Variants in RNF8 observed in about 807,000 individuals in gnomAD.
RNF8 encodes ring finger protein 8.
In RNF8, 8 loss-of-function variants were observed where a neutral mutation model predicts 59.3. The observed-to-expected ratio is 0.13, with a 90% CI of 0.08 to 0.24. RNF8 has a LOEUF of 0.24. RNF8 is among the 10% of genes least tolerant of loss of function. The probability of loss-of-function intolerance (pLI) is 1.00; values close to 1 mark genes in which losing one functional copy is unlikely to be tolerated. For missense variants in RNF8, 406 were observed against 572.6 expected (o/e 0.71, Z 2.97); for synonymous variants, 162 against 200.0 (o/e 0.81, Z 1.60).
At position 37,372,923 on chromosome 6, in the gene RNF8, C is replaced by T. The variant is rs369769307; in HGVS notation, c.1038+1349C>T. Among the ~76,000 whole-genome samples the T allele has an allele frequency of 1.2e-4, 19 of 152,218 alleles. 1 individual carries two copies. Among genetic ancestry groups the T allele is most frequent in the East Asian group, 1.9e-4 (1 of 5,182 alleles). On this transcript the variant is annotated intron_variant, in intron 4 of 7. Transcript: ENST00000373479. ...TGTGGAGGTTGTAGTGAGCTGAGAT[C>T]GTGCCATTGCTCTCCAGCCTGGGCA...
intron 5 of RNF8, 74 bp from the exon 6 acceptor site, chr6:37,376,852 T>C: frequency 1.1e-6 from 1 of 874,612 alleles, no homozygotes; most frequent in Non-Finnish European, 2.0e-6. Flanking sequence ...TTCTAAATAA[T>C]TGACCCTGCT....
chr6:37,359,432 T>C (rs762844066), intron 1 of RNF8: 9 of 215,742 alleles, frequency 4.2e-5, no homozygotes, highest in Non-Finnish European at 7.6e-5. Context: ...TGAACGAAGG[T>C]ATAGAAGGCA....
chr6:37,366,090 T>C (rs1769539229), intron 2 of RNF8, among the ~76,000 whole-genome samples: 1 of 152,214 alleles, frequency 6.6e-6, no homozygotes, highest in East Asian at 1.9e-4. Context: ...CTGCAACATA[T>C]CGTGAAAGTT....
At chr6:37,358,351 G>T (rs995204033) in intron 1 of RNF8, among the ~76,000 whole-genome samples, 21 of 152,204 alleles carry the variant, frequency 1.4e-4, no homozygotes, top group African/African-American at 4.1e-4. Context: ...AAAATGACCT[G>T]ATTTAAAATT....
chr6:37,389,858 CCAAGGCCCA>C (rs572771958), intron 7 of RNF8, among the ~76,000 whole-genome samples: 116 of 152,274 alleles, frequency 7.6e-4, no homozygotes, highest in African/African-American at 2.0e-3. Context: ...ATGCCCAGCC[CCAAGGCCCA>C]CCACCTCAAA....
At chr6:37,386,295 G>A (rs1030798029) in intron 7 of RNF8, among the ~76,000 whole-genome samples, 1 of 152,012 alleles carries the variant, frequency 6.6e-6, no homozygotes, top group African/African-American at 2.4e-5. Flanking sequence ...CTAGAACCTT[G>A]AATTCTTTAT....
chr6:37,365,908 C>A (rs79804348), intron 2 of RNF8, among the ~76,000 whole-genome samples: 4 of 152,240 alleles, frequency 2.6e-5, no homozygotes, highest in East Asian at 3.9e-4. Flanking sequence ...TATGAACAGA[C>A]CTGACTCAGG....
At chr6:37,366,798 A>G (rs1043667825) in intron 2 of RNF8, among the ~76,000 whole-genome samples, 2 of 152,194 alleles carry the variant, frequency 1.3e-5, no homozygotes, top group Non-Finnish European at 2.9e-5. Flanking sequence ...TCTCTGGCCT[A>G]TCCCCTGAAC....
Position 37,378,600 on chromosome 6 carries a change from CAAAAAAAAA to C in RNF8, c.1236+1582_1236+1590del, listed in dbSNP as rs554259061. Among the ~76,000 whole-genome samples the C allele has an allele frequency of 8.8e-5, 5 of 56,548 alleles. No individual in the cohort carries two copies. In the South Asian group the frequency reaches 2.0e-3, roughly 23 times the overall value. The allele number at this position is 56,548 out of a possible 152,430, so 37.1% of individuals were successfully genotyped here. A position where few individuals can be genotyped will look rare whatever the true frequency, so the allele number is the denominator to read the frequency against. ...TGGGTGACAGAGCGAGACTCCGTCT[CAAAAAAAAA>C]AAAAAAAAAAAAAAGAAAAACATAT... On this transcript the variant is annotated intron_variant, in intron 6 of 7. Coordinates refer to ENST00000373479, the MANE Select transcript of RNF8 (RefSeq NM_003958.4).
chr6:37,357,452 C>A (rs1348924151), intron 1 of RNF8, among the ~76,000 whole-genome samples: 3 of 152,194 alleles, frequency 2.0e-5, no homozygotes, highest in Non-Finnish European at 4.4e-5. Context: ...TGGCTACTCA[C>A]AATGGCAGTC....
chr6:37,390,981 C>T lies in RNF8; in HGVS notation c.*223C>T, dbSNP rs1163479824. 1 of 651,874 alleles carries T rather than the reference C, an allele frequency of 1.5e-6. No individual in the cohort carries two copies. Among genetic ancestry groups the T allele is most frequent in the Non-Finnish European group, 2.7e-6 (1 of 365,386 alleles). The allele number at this position is 651,874 out of a possible 1,614,324, so 40.4% of individuals were successfully genotyped here. The stretch of plus-strand genomic sequence containing the variant: ...CACCAGGATTCACGGCACCCAACTG[C>T]TTCAGGGTACTTCGTAGACTCTGCC... On this transcript the variant is annotated 3_prime_UTR_variant, in exon 8 of 8. Coordinates refer to ENST00000373479, the MANE Select transcript of RNF8 (RefSeq NM_003958.4).
intron 4 of RNF8, among the ~76,000 whole-genome samples, chr6:37,372,718 C>T (rs1055305955): frequency 6.6e-6 from 1 of 152,144 alleles, no homozygotes; most frequent in African/African-American, 2.4e-5. Context: ...GCCTGTAATC[C>T]CGGCACTTTG....
intron 1 of RNF8, among the ~76,000 whole-genome samples, chr6:37,359,904 C>A (rs559166151): frequency 6.6e-6 from 1 of 152,308 alleles, no homozygotes; most frequent in South Asian, 2.1e-4. Flanking sequence ...CAAGCCCATC[C>A]CCTGGGAGTT....
intron 4 of RNF8, among the ~76,000 whole-genome samples, chr6:37,373,803 T>G (rs370582730): frequency 5.8e-4 from 89 of 152,244 alleles, no homozygotes; most frequent in African/African-American, 2.1e-3. Context: ...ATAACTGCTT[T>G]TTTTTGTCAG....
rs142808175 is a variant in RNF8 at position 37,385,099 on chromosome 6, C to T, written c.1441+3745C>T. 2.6e-3 allele frequency among the ~76,000 whole-genome samples: 398 copies of T among 151,912 alleles called. 2 individuals are homozygous for T. The highest frequency in any genetic ancestry group is 9.0e-3 in the African/African-American group (373 of 41,456). ...CGCGATCTCGGCTTACCACAACCTCCGCCTCCCGGGTTCAAGCAATTCTTC... is the reference window on the plus strand; with the variant it reads ...CGCGATCTCGGCTTACCACAACCTCTGCCTCCCGGGTTCAAGCAATTCTTC... On this transcript the variant is annotated intron_variant, in intron 7 of 7. Transcript: ENST00000373479.
chr6:37,355,006 C>G (rs1406629039), intron 1 of RNF8, among the ~76,000 whole-genome samples: 1 of 152,224 alleles, frequency 6.6e-6, no homozygotes, highest in Non-Finnish European at 1.5e-5. Flanking sequence ...CCGAGTGGCA[C>G]TCCCTGAGGT....
At chr6:37,362,071 T>C (rs1300363743) in intron 2 of RNF8, among the ~76,000 whole-genome samples, 3 of 152,370 alleles carry the variant, frequency 2.0e-5, no homozygotes, top group East Asian at 1.9e-4. Context: ...ATTTAAAATA[T>C]AGCTGCAAGG....
Position 37,375,122 on chromosome 6 carries a change from G to C in RNF8, c.1128+413G>C, listed in dbSNP as rs571546654. On this transcript the variant is annotated intron_variant, in intron 5 of 7. Coordinates refer to ENST00000373479, the MANE Select transcript of RNF8 (RefSeq NM_003958.4). ...AATCAGGAGAACTCTTGAATTAGGG[G>C]TTATAAACTTAAATGCCCACCAGGG... Among the ~76,000 whole-genome samples, 3 of 152,290 alleles carry C rather than the reference G, an allele frequency of 2.0e-5. No homozygotes were observed. In the East Asian group the frequency reaches 5.8e-4, roughly 29 times the overall value.
chr6:37,381,302 T>C lies in RNF8; in HGVS notation c.1389T>C (p.Asn463=). 1 of 1,614,206 alleles carries C rather than the reference T, an allele frequency of 6.2e-7. No individual in the cohort carries two copies. Among genetic ancestry groups the C allele is most frequent in the Non-Finnish European group, 8.5e-7 (1 of 1,180,040 alleles). The change falls in exon 7 of 8, where the codon AAT becomes AAC. Residue 463 remains asparagine, a synonymous_variant. Coordinates refer to ENST00000373479, the MANE Select transcript of RNF8 (RefSeq NM_003958.4). The stretch of plus-strand genomic sequence containing the variant: ...ATTGCATTAATAAGATGGTAAATAA[T>C]CTGAGCTCAGAAGTGAAAGAACGAC... The part of the protein sequence containing the change: ...LDNCINKMVN[N]LSSEVKERRI...
Sources: gnomAD v4.1 joint callset for allele counts (sites outside exome capture counted in the v4.1 genomes callset) on GRCh38, gnomAD v4.1.1 for gene constraint, MANE v1.5 for transcripts, NCBI Gene and HGNC (gene_info 2026-07-23, HGNC 2026-07-21) for gene names.